The following AKT3 variants were observed in gnomAD, a reference collection of about 807,000 sequenced individuals.
AKT3 encodes the protein RAC-gamma serine/threonine-protein kinase.
In AKT3, 15 loss-of-function variants were observed where a neutral mutation model predicts 65.3. The observed-to-expected ratio is 0.23, with a 90% CI of 0.15 to 0.35. The LOEUF is 0.35. AKT3 is among the 10% of genes least tolerant of loss of function. The probability of loss-of-function intolerance (pLI) is 1.00; values close to 1 mark genes in which losing one functional copy is unlikely to be tolerated. For missense variants in AKT3, 243 were observed against 576.5 expected (o/e 0.42, Z 5.92); for synonymous variants, 206 against 183.8 (o/e 1.12, Z -0.98).
chr1:243,624,147 A>C (rs1470473196), intron 6 of AKT3, among the ~76,000 whole-genome samples: 1 of 152,190 alleles, frequency 6.6e-6, no homozygotes, highest in Non-Finnish European at 1.5e-5. Context: ...GTTTCAAAAA[A>C]GGAAGAATGA....
chr1:243,591,431 A>G (rs764054627), intron 8 of AKT3, among the ~76,000 whole-genome samples: 1 of 152,242 alleles, frequency 6.6e-6, no homozygotes, highest in Non-Finnish European at 1.5e-5. Flanking sequence ...CTGTTTATAC[A>G]TAAGAATAAT....
chr1:243,598,421 T>C (rs1017777403), intron 8 of AKT3, among the ~76,000 whole-genome samples: 3 of 152,208 alleles, frequency 2.0e-5, no homozygotes, highest in African/African-American at 7.2e-5. Flanking sequence ...AGCTTAGCCA[T>C]GCTATAGGAA....
At chr1:243,679,052 G>A (rs879221720) in intron 3 of AKT3, among the ~76,000 whole-genome samples, 1 of 152,010 alleles carries the variant, frequency 6.6e-6, no homozygotes, top group East Asian at 1.9e-4. Flanking sequence ...AGACAATGAG[G>A]ATGAAGACCT....
intron 2 of AKT3, chr1:243,740,788 C>G (rs373039187): frequency 4.2e-4 from 64 of 152,306 alleles, no homozygotes; most frequent in African/African-American, 1.5e-3. Flanking sequence ...ACTCAGACCT[C>G]CACTTGGACT....
rs182889889 is a variant in AKT3, at chr1:243,550,832, G to A, written c.1163+1897C>T. Reference sequence around the variant, plus strand: ...AAAAAAGCCAGGTGTGGTGGCAGGCGCCTGTAGTCCCAGCTACTCAGGAGG... The same window carrying A: ...AAAAAAGCCAGGTGTGGTGGCAGGCACCTGTAGTCCCAGCTACTCAGGAGG... On this transcript the variant is annotated intron_variant, in intron 11 of 13. Coordinates refer to ENST00000673466, the MANE Select transcript of AKT3 (RefSeq NM_005465.7). 1.0e-2 allele frequency among the ~76,000 whole-genome samples: 1,371 copies of A among 137,120 alleles called. 17 individuals are homozygous for A. The highest frequency in any genetic ancestry group is 0.034 in the African/African-American group (1,297 of 38,200). The allele number at this position is 137,120 out of a possible 152,430, so 90.0% of individuals were successfully genotyped here. A position where few individuals can be genotyped will look rare whatever the true frequency, so the allele number is the denominator to read the frequency against.
intron 3 of AKT3, among the ~76,000 whole-genome samples, chr1:243,692,670 G>A (rs375290481): frequency 1.2e-4 from 18 of 152,016 alleles, no homozygotes; most frequent in Admixed American, 3.3e-4. Context: ...CCCGGAAGGC[G>A]GAGGTTGCAG....
chr1:243,724,947 A>C (rs1017086658), intron 2 of AKT3, among the ~76,000 whole-genome samples: 3 of 152,112 alleles, frequency 2.0e-5, no homozygotes, highest in Non-Finnish European at 2.9e-5. Context: ...TCACACCTAT[A>C]ATCCCAGAAC....
chr1:243,835,490 T>C (rs1271042207), intron 2 of AKT3, among the ~76,000 whole-genome samples: 1 of 152,134 alleles, frequency 6.6e-6, no homozygotes, highest in Admixed American at 6.5e-5. Context: ...CTTAGAACAA[T>C]ACCTAAAAAA....
In AKT3 at chr1:243,811,118, C is replaced by T. The variant is rs147796113; in HGVS notation, c.46+32007G>A. Among the ~76,000 whole-genome samples the T allele has an allele frequency of 8.7e-3, 1,324 of 152,272 alleles. 15 individuals are homozygous for T. The highest frequency in any genetic ancestry group is 0.03 in the African/African-American group (1,253 of 41,550). ...ATTCCCTTTGAAAACTGGCACAAGA[C>T]AGGGATGCCCTCTCTCACCACTCCT... is the stretch of plus-strand genomic sequence containing the variant. On this transcript the variant is annotated intron_variant, in intron 2 of 13. Transcript: ENST00000673466.
chr1:243,691,930 T>C (rs1684715928), intron 3 of AKT3, among the ~76,000 whole-genome samples: 1 of 152,106 alleles, frequency 6.6e-6, no homozygotes, highest in African/African-American at 2.4e-5. Flanking sequence ...CCCTGTTAAA[T>C]ACCAGAACTG....
At chr1:243,508,532 C>A (rs1029133969) in intron 13 of AKT3, among the ~76,000 whole-genome samples, 1 of 152,172 alleles carries the variant, frequency 6.6e-6, no homozygotes, top group Non-Finnish European at 1.5e-5. Context: ...GCCCTCCCCA[C>A]CCCTCAATTG....
At chr1:243,539,254 A>T (rs1348977548) in intron 12 of AKT3, among the ~76,000 whole-genome samples, 1 of 152,126 alleles carries the variant, frequency 6.6e-6, no homozygotes, top group Non-Finnish European at 1.5e-5. Flanking sequence ...ACATGAAGAC[A>T]ACGAGGAGGA....
Position 243,528,531 on chromosome 1 carries a change from G to A in AKT3, c.1252-16105C>T, listed in dbSNP as rs368035345. On this transcript the variant is annotated intron_variant, in intron 12 of 13. Coordinates refer to ENST00000673466, the MANE Select transcript of AKT3 (RefSeq NM_005465.7). ...GCTCTTCCTCTCTTTGTGTTGATAC[G>A]TACTCAATGTTTAGCTCCCACTTGT... is the stretch of plus-strand genomic sequence containing the variant. Among the ~76,000 whole-genome samples the A allele has an allele frequency of 8.5e-5, 13 of 152,166 alleles. 1 individual carries two copies. In the South Asian group the frequency reaches 2.1e-3, roughly 24 times the overall value.
chr1:243,538,959 A>G (rs1411097249), intron 12 of AKT3, among the ~76,000 whole-genome samples: 4 of 152,202 alleles, frequency 2.6e-5, no homozygotes, highest in African/African-American at 7.2e-5. Context: ...GATAAAGTCC[A>G]CGATCATAGT....
chr1:243,573,160 T>A, intron 8 of AKT3, 112 bp from the exon 9 acceptor site: 13 of 1,259,572 alleles, frequency 1.0e-5, no homozygotes, highest in Non-Finnish European at 1.3e-5. Context: ...GATAGTGTAC[T>A]CTCAGTGGAC....
At chr1:243,685,107 G>A (rs1684196310) in intron 3 of AKT3, among the ~76,000 whole-genome samples, 1 of 152,102 alleles carries the variant, frequency 6.6e-6, no homozygotes, top group South Asian at 2.1e-4. Context: ...TAGGCTGCCT[G>A]TTCACTCTAA....
chr1:243,701,177 G>A (rs1685437418), intron 2 of AKT3, among the ~76,000 whole-genome samples: 1 of 152,196 alleles, frequency 6.6e-6, no homozygotes. Flanking sequence ...ACTAAACAGT[G>A]ATTGATTAAA....
chr1:243,696,105 GA>G (rs1032385238), intron 2 of AKT3, among the ~76,000 whole-genome samples: 11 of 150,896 alleles, frequency 7.3e-5, no homozygotes, highest in Admixed American at 5.3e-4. Flanking sequence ...TTTATCATAA[GA>G]GAGGCAAGAA....
intron 13 of AKT3, among the ~76,000 whole-genome samples, chr1:243,490,333 C>T (rs904602378): frequency 6.6e-6 from 1 of 152,208 alleles, no homozygotes; most frequent in Non-Finnish European, 1.5e-5. Context: ...GGGAGCGGGC[C>T]GCTCAAAGTC....
Sources: gnomAD v4.1 joint callset for allele counts (sites outside exome capture counted in the v4.1 genomes callset) on GRCh38, gnomAD v4.1.1 for gene constraint, MANE v1.5 for transcripts, NCBI Gene and HGNC (gene_info 2026-07-23, HGNC 2026-07-21) for gene names.